Variants in ADAM19 observed in about 807,000 individuals in gnomAD.
The protein encoded by ADAM19 is ADAM metallopeptidase domain 19.
Under a neutral mutation model 114.7 loss-of-function variants are expected in ADAM19, and 65 were observed. The observed-to-expected ratio is 0.57, with a 90% CI of 0.46 to 0.70. The LOEUF is 0.70. Ranked by LOEUF, ADAM19 falls within the 30% of genes least tolerant of loss-of-function variation. The pLI is 0.00. For synonymous variants in ADAM19, 466 were observed against 460.5 expected (o/e 1.01, Z -0.15); for missense variants, 1,063 against 1,204.7 (o/e 0.88, Z 1.74).
chr5:157,479,923 C>T lies in ADAM19; in HGVS notation c.*1026G>A. The T allele has an allele frequency of 2.0e-6, 2 of 985,944 alleles. No homozygotes were observed. Among genetic ancestry groups the T allele is most frequent in the African/African-American group, 1.7e-5 (1 of 57,370 alleles). 61.1% of individuals were successfully genotyped at this position (985,944 alleles called of 1,614,324 possible). On this transcript the variant is annotated 3_prime_UTR_variant, in exon 23 of 23. Transcript: ENST00000257527. Reference sequence around the variant, plus strand: ...AGTAAGGAGGAAGACCCCCACCCTGCTGAGGTCACAAAACACAATGAAAAA... The same window carrying T: ...AGTAAGGAGGAAGACCCCCACCCTGTTGAGGTCACAAAACACAATGAAAAA...
At chr5:157,550,333 G>A (rs1035760407) in intron 3 of ADAM19, among the ~76,000 whole-genome samples, 2 of 152,152 alleles carry the variant, frequency 1.3e-5, no homozygotes, top group Admixed American at 6.5e-5. Context: ...TTCTCCCAGA[G>A]TGTGTGTCTG....
Position 157,493,071 on chromosome 5 carries a change from G to A in ADAM19, c.1810C>T (p.Gln604Ter). Residue 604 changes from glutamine to a stop codon, truncating the protein, a stop_gained, in exon 16 of 23, where the codon CAG becomes TAG. Coordinates refer to ENST00000257527, the MANE Select transcript of ADAM19 (RefSeq NM_033274.5). LOFTEE classifies it high-confidence loss of function. ...TTIIMNGRQI[Q>*]CRGTHVYRGP... ...CGGTAGACGTGGGTGCCCCGGCACTGGATCTGCCTCCCATTCATGATGATA... is the reference window on the plus strand; with the variant it reads ...CGGTAGACGTGGGTGCCCCGGCACTAGATCTGCCTCCCATTCATGATGATA... 6.2e-7 allele frequency: 1 copy of A among 1,614,224 alleles called. No homozygotes were observed. The highest frequency in any genetic ancestry group is 8.5e-7 in the Non-Finnish European group (1 of 1,180,040).
chr5:157,482,791 G>T (rs1310950953), intron 21 of ADAM19, among the ~76,000 whole-genome samples: 1 of 152,132 alleles, frequency 6.6e-6, no homozygotes, highest in Admixed American at 6.5e-5. Context: ...CAACAGCAAA[G>T]ACTTGGAACC....
At chr5:157,508,619 AAAG>A (rs1025473727) in intron 9 of ADAM19, among the ~76,000 whole-genome samples, 6 of 152,174 alleles carry the variant, frequency 3.9e-5, no homozygotes, top group African/African-American at 9.7e-5. Flanking sequence ...AAAAAAAAGA[AAAG>A]AAGACAAATG....
At chr5:157,508,924 G>C (rs935079111) in intron 9 of ADAM19, among the ~76,000 whole-genome samples, 1 of 152,232 alleles carries the variant, frequency 6.6e-6, no homozygotes, top group Non-Finnish European at 1.5e-5. Context: ...TGTGTTGGGA[G>C]ATCAGCTCAT....
Position 157,515,866 on chromosome 5 carries a change from T to C in ADAM19, c.667-2361A>G, listed in dbSNP as rs540269660. Among the ~76,000 whole-genome samples, 4 of 152,278 alleles carry C rather than the reference T, an allele frequency of 2.6e-5. No homozygotes were observed. In the South Asian group the frequency reaches 8.3e-4, roughly 32 times the overall value. ...CCTGGATTCCGTTCCACCTGGGGAA[T>C]GAATAAACTGAGAACCACCCTAGAA... On this transcript the variant is annotated intron_variant, in intron 7 of 22. Transcript: ENST00000257527.
chr5:157,530,669 C>T (rs377672884), intron 5 of ADAM19, 138 bp downstream of exon 5: 7 of 666,518 alleles, frequency 1.1e-5, no homozygotes, highest in South Asian at 5.5e-5. Context: ...TCCTCCCAGG[C>T]TCAGCCCCTC....
At chr5:157,504,531 G>GT (rs1364641192) in intron 11 of ADAM19, among the ~76,000 whole-genome samples, 1 of 152,082 alleles carries the variant, frequency 6.6e-6, no homozygotes. Context: ...AATTACAGTC[G>GT]TGAGCCACCG....
intron 5 of ADAM19, among the ~76,000 whole-genome samples, chr5:157,527,521 C>T (rs375220356): frequency 6.6e-6 from 1 of 152,132 alleles, no homozygotes; most frequent in East Asian, 1.9e-4. Context: ...GAAACTGACA[C>T]TTTTAAACCA....
chr5:157,494,663 T>G lies in ADAM19; in HGVS notation c.1703+24A>C, dbSNP rs1010605152. 8 of 1,601,810 alleles carry G rather than the reference T, an allele frequency of 5.0e-6. No individual in the cohort carries two copies. The South Asian group carries it at 8.8e-5, about 18-fold the overall frequency. ...AAACTGCTTGTTCATCCTCATTTCA[T>G]GAGGCCTGCCCTTTGGTCATCACCT... On this transcript the variant is annotated intron_variant, in intron 15 of 22. Transcript: ENST00000257527.
Position 157,496,964 on chromosome 5 carries a change from G to A in ADAM19, c.1524C>T (p.Gly508=), listed in dbSNP as rs201819416. Residue 508 remains glycine, a synonymous_variant, in exon 14 of 23, where the codon GGC becomes GGT. Transcript: ENST00000257527. The stretch of plus-strand genomic sequence containing the variant: ...TGCCGTTGTAGCAGTAGGCCTGGCC[G>A]CCCTCACAGGGGGTACCATCCATCT... The part of the protein sequence containing the change: ...FYQMDGTPCE[G]GQAYCYNGMC... 1.0e-4 allele frequency: 161 copies of A among 1,598,176 alleles called. 3 individuals carry two copies. The Admixed American group carries it at 2.4e-3, about 24-fold the overall frequency.
Position 157,571,001 on chromosome 5 carries a change from A to G in ADAM19, c.95-21T>C, listed in dbSNP as rs750032611. On this transcript the variant is annotated intron_variant, in intron 1 of 22. Coordinates refer to ENST00000257527, the MANE Select transcript of ADAM19 (RefSeq NM_033274.5). The stretch of plus-strand genomic sequence containing the variant: ...TCCTCCTGCCAATACAAGATGCAAA[A>G]CCATTGGAATCCCAGACCTCTATAC... The G allele has an allele frequency of 2.5e-6, 4 of 1,611,370 alleles. No individual in the cohort carries two copies. In the Admixed American group the frequency reaches 6.7e-5, roughly 27 times the overall value.
At chr5:157,532,905 T>C (rs927396746) in intron 4 of ADAM19, among the ~76,000 whole-genome samples, 4 of 152,206 alleles carry the variant, frequency 2.6e-5, no homozygotes, top group African/African-American at 9.7e-5. Context: ...GTCTTTAGCC[T>C]CTGTACCCCA....
chr5:157,484,408 T>C lies in ADAM19; in HGVS notation c.2551-2465A>G, dbSNP rs1036115025. On this transcript the variant is annotated intron_variant, in intron 21 of 22. Transcript: ENST00000257527. The stretch of plus-strand genomic sequence containing the variant: ...TCAACACGTATTAGTTGATCCATTG[T>C]TTTTTAAGGGGCAAAGAATGACTGT... Among the ~76,000 whole-genome samples the C allele has an allele frequency of 6.6e-5, 10 of 152,226 alleles. 1 individual carries two copies. Among genetic ancestry groups the C allele is most frequent in the Admixed American group, 6.5e-4 (10 of 15,296 alleles).
chr5:157,570,864 G>C lies in ADAM19; in HGVS notation c.180+31C>G, dbSNP rs1321441581. ...GCCCAAACCTCAGTTGTCAACTCCT[G>C]CCAGTGTAAATGAGGTCTTTTGAGT... On this transcript the variant is annotated intron_variant, in intron 2 of 22. Transcript: ENST00000257527. 4.4e-6 allele frequency: 7 copies of C among 1,589,992 alleles called. No individual in the cohort carries two copies. In the African/African-American group the frequency reaches 5.4e-5, roughly 12 times the overall value.
intron 8 of ADAM19, among the ~76,000 whole-genome samples, chr5:157,510,796 T>C (rs1755897198): frequency 6.6e-6 from 1 of 152,262 alleles, no homozygotes; most frequent in South Asian, 2.1e-4. Flanking sequence ...AATACATGGA[T>C]ATTTTATTAT....
intron 4 of ADAM19, among the ~76,000 whole-genome samples, chr5:157,534,796 G>T (rs561639604): frequency 6.6e-6 from 1 of 152,324 alleles, no homozygotes; most frequent in Non-Finnish European, 1.5e-5. Context: ...TTGAAAGAGA[G>T]GTTTTAAGTC....
chr5:157,502,843 T>C lies in ADAM19; in HGVS notation c.1268A>G (p.Tyr423Cys). The change falls in exon 12 of 23, where the codon TAT becomes TGT. Residue 423 changes from tyrosine to cysteine, a missense_variant. Coordinates refer to ENST00000257527, the MANE Select transcript of ADAM19 (RefSeq NM_033274.5). ...GTCACACTCTTCCCCATCTTCCAGA[T>C]ACCCGTTCCCACACCTCCGGCCTCC... ...LYGGRRCGNG[Y>C]LEDGEECDCG... The C allele has an allele frequency of 6.2e-7, 1 of 1,614,212 alleles. No individual in the cohort carries two copies. The highest frequency in any genetic ancestry group is 8.5e-7 in the Non-Finnish European group (1 of 1,180,030).
rs1407542120 is a variant in ADAM19 at position 157,481,322 on chromosome 5, T to C, written c.2704-320A>G. The C allele has an allele frequency of 2.1e-5, 12 of 573,016 alleles. No homozygotes were observed. The South Asian group carries it at 2.2e-4, about 10-fold the overall frequency. The allele number at this position is 573,016 out of a possible 1,614,324, so 35.5% of individuals were successfully genotyped here. On this transcript the variant is annotated intron_variant, in intron 22 of 22. Transcript: ENST00000257527. ...AGCCAGCTTCTTCACCTCATCCCTT[T>C]CTGACCTGACTGCCAAGACTGGCAA... is the stretch of plus-strand genomic sequence containing the variant.
Sources: allele counts gnomAD v4.1 joint callset (sites outside exome capture counted in the v4.1 genomes callset), GRCh38; gene constraint gnomAD v4.1.1; transcripts MANE v1.5; gene names NCBI Gene and HGNC (gene_info 2026-07-23, HGNC 2026-07-21).